Variants in MAML3 observed in about 807,000 individuals in gnomAD.
The protein encoded by MAML3 is mastermind like transcriptional coactivator 3.
A neutral mutation model predicts 101.9 loss-of-function variants in MAML3; 27 were observed. That is an observed-to-expected ratio of 0.27 (90% CI 0.20 to 0.37). MAML3 has a LOEUF of 0.37. Ranked by LOEUF, MAML3 falls within the 10% of genes least tolerant of loss-of-function variation. The probability of loss-of-function intolerance (pLI) is 1.00; values close to 1 mark genes in which losing one functional copy is unlikely to be tolerated. For synonymous variants in MAML3, 501 were observed against 555.9 expected, an observed-to-expected ratio of 0.90 and a Z score of 1.39; for missense variants, 1,316 against 1,444.9, an observed-to-expected ratio of 0.91 and a Z score of 1.45.
intron 2 of MAML3, among the ~76,000 whole-genome samples, chr4:139,869,576 T>C (rs1262900369): frequency 6.6e-6 from 1 of 152,158 alleles, no homozygotes; most frequent in Non-Finnish European, 1.5e-5. Flanking sequence ...TATTTCTCCA[T>C]GATCAAAAGG....
At chr4:140,148,859 G>T (rs1729107512) in intron 1 of MAML3, among the ~76,000 whole-genome samples, 1 of 152,152 alleles carries the variant, frequency 6.6e-6, no homozygotes, top group South Asian at 2.1e-4. Context: ...CAGAACAGGG[G>T]TCACATAGAT....
At chr4:140,101,854 T>G (rs531299048) in intron 1 of MAML3, among the ~76,000 whole-genome samples, 343 of 152,046 alleles carry the variant, frequency 2.3e-3, no homozygotes, top group Non-Finnish European at 3.8e-3. Flanking sequence ...CTGAGCATTT[T>G]TTTTTTTTTT....
intron 1 of MAML3, among the ~76,000 whole-genome samples, chr4:139,974,681 C>T (rs189101646): frequency 8.6e-5 from 13 of 151,966 alleles, no homozygotes; most frequent in East Asian, 5.8e-4. Flanking sequence ...TCAATGCCTA[C>T]GTAGAAAACA....
chr4:140,060,387 T>TAAAAAAAAAAAA (rs1553971712), intron 1 of MAML3, among the ~76,000 whole-genome samples: 1 of 16,806 alleles, frequency 6.0e-5, no homozygotes, highest in African/African-American at 1.7e-4. Context: ...AAAAAAAAAG[T>TAAAAAAAAAAAA]CACAAGCCTG....
At chr4:139,988,650 A>G (rs936829145) in intron 1 of MAML3, among the ~76,000 whole-genome samples, 1 of 152,206 alleles carries the variant, frequency 6.6e-6, no homozygotes, top group Admixed American at 6.5e-5. Context: ...AGGAAGGGGC[A>G]AAAGAGGGCA....
At chr4:139,734,868 C>A (rs947854493) in intron 2 of MAML3, among the ~76,000 whole-genome samples, 1 of 152,260 alleles carries the variant, frequency 6.6e-6, no homozygotes, top group Non-Finnish European at 1.5e-5. Context: ...GCTGGGGTGA[C>A]GGGGACCCCG....
chr4:140,042,409 C>T (rs1264130357), intron 1 of MAML3, among the ~76,000 whole-genome samples: 4 of 151,990 alleles, frequency 2.6e-5, no homozygotes, highest in Admixed American at 6.6e-5. Context: ...CCGAGGCAGG[C>T]GGATCACGAG....
chr4:140,093,675 G>A (rs1049209284), intron 1 of MAML3, among the ~76,000 whole-genome samples: 8 of 151,876 alleles, frequency 5.3e-5, no homozygotes, highest in Non-Finnish European at 1.2e-4. Flanking sequence ...TGATCCGCCC[G>A]TCTCGGCCGC....
intron 1 of MAML3, among the ~76,000 whole-genome samples, chr4:140,076,343 T>C (rs1727765543): frequency 1.3e-5 from 2 of 152,188 alleles, no homozygotes; most frequent in South Asian, 2.1e-4. Context: ...TTTTGTACGT[T>C]CAAAGTGAAA....
chr4:140,069,715 GAAGA>G (rs949476301), intron 1 of MAML3, among the ~76,000 whole-genome samples: 3 of 151,710 alleles, frequency 2.0e-5, no homozygotes, highest in African/African-American at 7.3e-5. Context: ...GAGGAAGAAA[GAAGA>G]AAGAAGAAGG....
intron 2 of MAML3, among the ~76,000 whole-genome samples, chr4:139,731,876 G>A (rs897475554): frequency 2.0e-5 from 3 of 152,164 alleles, no homozygotes; most frequent in African/African-American, 7.2e-5. Flanking sequence ...TGAATGGGAA[G>A]AAAAGGTGTG....
intron 1 of MAML3, among the ~76,000 whole-genome samples, chr4:140,004,477 A>G (rs1052954064): frequency 7.2e-5 from 11 of 152,164 alleles, no homozygotes; most frequent in African/African-American, 2.7e-4. Flanking sequence ...CTGAGCGTCT[A>G]CTTCACCTAA....
intron 1 of MAML3, among the ~76,000 whole-genome samples, chr4:139,985,741 CAT>C (rs1734527368): frequency 6.6e-6 from 1 of 152,264 alleles, no homozygotes; most frequent in African/African-American, 2.4e-5. Context: ...GCACCACACA[CAT>C]GGCCATATTT....
At chr4:139,782,641 T>C (rs1449256549) in intron 2 of MAML3, among the ~76,000 whole-genome samples, 2 of 152,198 alleles carry the variant, frequency 1.3e-5, no homozygotes, top group Non-Finnish European at 2.9e-5. Context: ...GTGCCCCTTT[T>C]GGTTGTCCTG....
chr4:140,079,483 G>A (rs1008646486), intron 1 of MAML3, among the ~76,000 whole-genome samples: 1 of 152,002 alleles, frequency 6.6e-6, no homozygotes, highest in African/African-American at 2.4e-5. Context: ...TAGTAGATAT[G>A]GAGTTTCACC....
intron 1 of MAML3, among the ~76,000 whole-genome samples, chr4:139,958,774 C>T (rs1412951903): frequency 1.3e-5 from 2 of 152,158 alleles, no homozygotes; most frequent in Non-Finnish European, 2.9e-5. Context: ...AGTACTTATC[C>T]GTTTTCAGGC....
At chr4:139,765,963 G>A (rs1168741638) in intron 2 of MAML3, among the ~76,000 whole-genome samples, 1 of 151,934 alleles carries the variant, frequency 6.6e-6, no homozygotes, top group Admixed American at 6.5e-5. Context: ...TTCCAGCCTG[G>A]GCAATACAGT....
chr4:139,743,098 C>A (rs1729215857), intron 2 of MAML3, among the ~76,000 whole-genome samples: 1 of 152,192 alleles, frequency 6.6e-6, no homozygotes, highest in Non-Finnish European at 1.5e-5. Context: ...TCATACCCAC[C>A]TTCACTCTGC....
chr4:140,126,078 G>C (rs79834504), intron 1 of MAML3, among the ~76,000 whole-genome samples: 7,242 of 151,382 alleles, frequency 0.048, 588 homozygotes, highest in African/African-American at 0.17. Context: ...GCCTGGCCAA[G>C]GTACAGGTGT....
Sources: allele counts gnomAD v4.1 joint callset (sites outside exome capture counted in the v4.1 genomes callset), GRCh38; gene constraint gnomAD v4.1.1; transcripts MANE v1.5; gene names NCBI Gene and HGNC (gene_info 2026-07-23, HGNC 2026-07-21).